TPD52L1: variants seen among roughly 807,000 people sequenced by gnomAD.
TPD52L1 encodes tumor protein D53.
In TPD52L1, 18 loss-of-function variants were observed where a neutral mutation model predicts 28.7. The ratio of observed to expected loss-of-function variants is 0.63; its 90% CI spans 0.43 to 0.93. The LOEUF (loss-of-function observed/expected upper bound fraction) is 0.93. TPD52L1 is among the 40% of genes least tolerant of loss of function. TPD52L1 has a pLI of 0.00. For synonymous variants in TPD52L1, 75 were observed against 88.8 expected, an observed-to-expected ratio of 0.84 and a Z score of 0.88; for missense variants, 203 against 254.8, an observed-to-expected ratio of 0.80 and a Z score of 1.39.
At chr6:125,172,157 T>TTTTC (rs200343475) in intron 1 of TPD52L1, among the ~76,000 whole-genome samples, 672 of 53,930 alleles carry the variant, frequency 0.012, 8 homozygotes, top group Admixed American at 0.028. Flanking sequence ...TCTTTCTTTC[T>TTTTC]TTTCTTTCTT....
At chr6:125,256,265 G>A (rs980715369) in intron 5 of TPD52L1, among the ~76,000 whole-genome samples, 1 of 151,992 alleles carries the variant, frequency 6.6e-6, no homozygotes, top group East Asian at 1.9e-4. Context: ...CAGGAGAATC[G>A]CTTGAACCTG....
chr6:125,217,116 C>A (rs1411206838), intron 1 of TPD52L1, among the ~76,000 whole-genome samples: 2 of 151,894 alleles, frequency 1.3e-5, no homozygotes, highest in Non-Finnish European at 2.9e-5. Flanking sequence ...AGTCAGTGTC[C>A]AGAAATGGAG....
At chr6:125,182,339 A>G (rs1256599732) in intron 1 of TPD52L1, among the ~76,000 whole-genome samples, 1 of 152,202 alleles carries the variant, frequency 6.6e-6, no homozygotes, top group Non-Finnish European at 1.5e-5. Flanking sequence ...TTCATGATGT[A>G]TAAGCACAGC....
intron 1 of TPD52L1, 28 bp from the exon 2 acceptor site, chr6:125,220,050 C>T (rs1196317522): frequency 7.2e-6 from 11 of 1,519,842 alleles, no homozygotes; most frequent in Admixed American, 1.7e-5. Context: ...TTAAAAATTG[C>T]CTTCTGTTTT....
chr6:125,260,917 GAA>G lies in TPD52L1; in HGVS notation c.487-1915_487-1914del, dbSNP rs770204643. 145 of 69,488 alleles carry G rather than the reference GAA, an allele frequency of 2.1e-3. 4 individuals carry two copies. Among genetic ancestry groups the G allele is most frequent in the African/African-American group, 0.011 (111 of 9,964 alleles). The allele number at this position is 69,488 out of a possible 1,614,324, so 4.3% of individuals were successfully genotyped here. A position where few individuals can be genotyped will look rare whatever the true frequency, so the allele number is the denominator to read the frequency against. ...GAGAGGGAGAAAGAAAGGAAAGAAA[GAA>G]AGAAGAAAGAAAGAAAGAAAGAAAG... On this transcript the variant is annotated intron_variant, in intron 6 of 6. Coordinates refer to ENST00000534000, the MANE Select transcript of TPD52L1 (RefSeq NM_003287.4).
Position 125,252,375 on chromosome 6 carries a change from A to G in TPD52L1, c.387-1342A>G, listed in dbSNP as rs116267691. On this transcript the variant is annotated intron_variant, in intron 4 of 6. Transcript: ENST00000534000. ...AAACAAAGTGGAGATTGAAAGTTATATATGTTTTCTGAAACTTCTAGAAAG... is the reference window on the plus strand; with the variant it reads ...AAACAAAGTGGAGATTGAAAGTTATGTATGTTTTCTGAAACTTCTAGAAAG... The G allele has an allele frequency of 4.8e-3, 1,195 of 249,748 alleles. 19 individuals carry two copies. Among genetic ancestry groups the G allele is most frequent in the African/African-American group, 0.025 (1,105 of 44,946 alleles). The allele number at this position is 249,748 out of a possible 1,614,324, so 15.5% of individuals were successfully genotyped here.
chr6:125,200,715 A>T (rs541982039), intron 1 of TPD52L1, among the ~76,000 whole-genome samples: 1 of 152,352 alleles, frequency 6.6e-6, no homozygotes, highest in Admixed American at 6.5e-5. Flanking sequence ...TGCAAATATG[A>T]TGCAGTAACT....
intron 1 of TPD52L1, among the ~76,000 whole-genome samples, chr6:125,159,202 CT>C (rs1790348129): frequency 6.6e-6 from 1 of 152,206 alleles, no homozygotes; most frequent in African/African-American, 2.4e-5. Context: ...TGCGATAGAA[CT>C]TCTTTCAATA....
chr6:125,184,900 T>C (rs1792488833), intron 1 of TPD52L1, among the ~76,000 whole-genome samples: 1 of 152,030 alleles, frequency 6.6e-6, no homozygotes, highest in Admixed American at 6.6e-5. Flanking sequence ...GTAAAAGGAC[T>C]AAATACCCCA....
intron 1 of TPD52L1, among the ~76,000 whole-genome samples, chr6:125,170,123 G>A (rs1415672198): frequency 6.6e-6 from 1 of 152,100 alleles, no homozygotes; most frequent in African/African-American, 2.4e-5. Flanking sequence ...CTCTGGGTTT[G>A]TCAAGTTTCT....
intron 1 of TPD52L1, among the ~76,000 whole-genome samples, chr6:125,179,807 G>A (rs1313445566): frequency 1.3e-5 from 2 of 152,112 alleles, no homozygotes; most frequent in Non-Finnish European, 2.9e-5. Flanking sequence ...CTTTATAGAT[G>A]GAAATGTGAA....
At chr6:125,228,529 G>A (rs1423044027) in intron 2 of TPD52L1, among the ~76,000 whole-genome samples, 1 of 152,126 alleles carries the variant, frequency 6.6e-6, no homozygotes, top group African/African-American at 2.4e-5. Flanking sequence ...ATGCAACTGT[G>A]TGTGGTTGGC....
At position 125,178,549 on chromosome 6, in the gene TPD52L1, A is replaced by T. The variant is rs577781036; in HGVS notation, c.19+24579A>T. 1.5e-4 allele frequency among the ~76,000 whole-genome samples: 23 copies of T among 152,264 alleles called. No homozygotes were observed. The South Asian group carries it at 4.8e-3, about 32-fold the overall frequency. ...GGCAGGAGAATCGCTTCAACCCGGG[A>T]AGTGGAGGTTGTGGTGAGCCAAGAT... is the stretch of plus-strand genomic sequence containing the variant. On this transcript the variant is annotated intron_variant, in intron 1 of 6. Transcript: ENST00000534000.
intron 3 of TPD52L1, among the ~76,000 whole-genome samples, chr6:125,247,607 T>C (rs1030795764): frequency 6.6e-6 from 1 of 152,202 alleles, no homozygotes; most frequent in Non-Finnish European, 1.5e-5. Context: ...ATTTATTGAG[T>C]TTCTTCTTTA....
intron 3 of TPD52L1, among the ~76,000 whole-genome samples, chr6:125,243,909 T>A (rs1038509356): frequency 6.6e-6 from 1 of 152,172 alleles, no homozygotes; most frequent in African/African-American, 2.4e-5. Context: ...TCTGGTTTCT[T>A]CTCATTTGGG....
At chr6:125,201,598 A>T (rs73573629) in intron 1 of TPD52L1, among the ~76,000 whole-genome samples, 2 of 152,184 alleles carry the variant, frequency 1.3e-5, no homozygotes, top group East Asian at 3.9e-4. Flanking sequence ...TGGTTAAAGG[A>T]TCCATTTTTT....
At chr6:125,244,892 C>G (rs933392682) in intron 3 of TPD52L1, among the ~76,000 whole-genome samples, 1 of 152,192 alleles carries the variant, frequency 6.6e-6, no homozygotes, top group Non-Finnish European at 1.5e-5. Flanking sequence ...CTGCTGTTCA[C>G]ATTCTTTTGT....
At chr6:125,186,276 G>A (rs938474230) in intron 1 of TPD52L1, among the ~76,000 whole-genome samples, 3 of 152,158 alleles carry the variant, frequency 2.0e-5, no homozygotes, top group Non-Finnish European at 2.9e-5. Context: ...GGATCATACC[G>A]CCTCTGTCAC....
intron 1 of TPD52L1, chr6:125,154,216 C>T (rs1562167911): frequency 1.5e-6 from 2 of 1,346,598 alleles, no homozygotes; most frequent in Non-Finnish European, 1.9e-6. Context: ...GGAAATGCGC[C>T]CGTGGAATGC....
Sources: gnomAD v4.1 joint callset for allele counts (sites outside exome capture counted in the v4.1 genomes callset) on GRCh38, gnomAD v4.1.1 for gene constraint, MANE v1.5 for transcripts, NCBI Gene and HGNC (gene_info 2026-07-23, HGNC 2026-07-21) for gene names.